MED16: variants seen among roughly 807,000 people sequenced by gnomAD.
MED16 encodes mediator of RNA polymerase II transcription subunit 16.
A neutral mutation model predicts 84.4 loss-of-function variants in MED16; 81 were observed. The observed-to-expected ratio is 0.96, with a 90% CI of 0.80 to 1.15. The LOEUF (loss-of-function observed/expected upper bound fraction) is 1.15. Among genes scored for constraint, MED16 ranks in the 50% most tolerant of loss-of-function variants. The pLI, the probability that MED16 is intolerant of heterozygous loss-of-function variation, is 0.00. For synonymous variants in MED16, 897 were observed against 552.2 expected, an observed-to-expected ratio of 1.62 and a Z score of -8.76; for missense variants, 1,585 against 1,245.9, an observed-to-expected ratio of 1.27 and a Z score of -4.10.
intron 10 of MED16, 130 bp from the exon 11 acceptor site, chr19:873,712 G>A (rs1037587729): frequency 1.4e-5 from 15 of 1,087,024 alleles, no homozygotes; most frequent in Non-Finnish European, 2.0e-5. Context: ...CCCACACCGG[G>A]AACGAGAAGG....
intron 1 of MED16, among the ~76,000 whole-genome samples, chr19:891,519 A>G (rs894313096): frequency 7.9e-5 from 12 of 152,062 alleles, no homozygotes; most frequent in African/African-American, 2.9e-4. Flanking sequence ...GCAAGTGGAC[A>G]CTAGCTCTCT....
At chr19:881,439 C>A (rs1031693320) in intron 7 of MED16, 120 bp downstream of exon 7, 25 of 1,201,100 alleles carry the variant, frequency 2.1e-5, no homozygotes, top group South Asian at 1.6e-4. Flanking sequence ...AGCCCCATGG[C>A]CTGTGCTCAG....
intron 2 of MED16, 47 bp from the exon 3 acceptor site, chr19:890,291 A>AGACGAT (rs1177579236): frequency 2.2e-6 from 3 of 1,336,064 alleles, no homozygotes; most frequent in Non-Finnish European, 3.1e-6. Context: ...CACAGCCTGC[A>AGACGAT]GACGATGACG....
rs2036080834 is a variant in MED16, at chr19:871,944, TGAGCAGGCGGAA to T, written c.2068_2079del (p.Phe690_Leu693del). 1 of 1,583,720 alleles carries T rather than the reference TGAGCAGGCGGAA, an allele frequency of 6.3e-7. No homozygotes were observed. Among genetic ancestry groups the T allele is most frequent in the Non-Finnish European group, 8.6e-7 (1 of 1,168,438 alleles). ...GCCTCACAGCAGATCCAGAGCTTGG[TGAGCAGGCGGAA>T]GAGCAGGGACATGCTGTCCTGGGTA... On this transcript the variant is annotated inframe_deletion, in exon 12 of 16. Transcript: ENST00000325464.
intron 2 of MED16, 78 bp downstream of exon 2, chr19:890,885 G>A: frequency 5.4e-6 from 8 of 1,490,864 alleles, no homozygotes; most frequent in Non-Finnish European, 7.3e-6. Context: ...GTCCCTTCAA[G>A]GCAGTGGGCC....
rs1322225102 is a variant in MED16, at chr19:876,669, T to TCC, written c.1560+303_1560+304dup. Among the ~76,000 whole-genome samples, 31 of 151,496 alleles carry TCC rather than the reference T, an allele frequency of 2.0e-4. No homozygotes were observed. The East Asian group carries it at 5.8e-3, about 29-fold the overall frequency. ...CACAGGCTACCTGCCCCTCTTGCCC[T>TCC]CCGCCTGCCATAGAGCCCCCAACCT... is the stretch of plus-strand genomic sequence containing the variant. On this transcript the variant is annotated intron_variant, in intron 9 of 15. Transcript: ENST00000325464.
intron 6 of MED16, among the ~76,000 whole-genome samples, chr19:882,544 GT>G (rs955413021): frequency 4.6e-5 from 7 of 152,308 alleles, no homozygotes; most frequent in African/African-American, 1.7e-4. Context: ...AACAAAAACA[GT>G]GGCCCAGAGA....
chr19:875,410 C>T lies in MED16; in HGVS notation c.1605G>A (p.Lys535=). The change falls in exon 10 of 16, where the codon AAG becomes AAA. Residue 535 remains lysine (K), a synonymous_variant. Transcript: ENST00000325464. ...CGCGGGTCACCGTGCAGGGCGACAGCTTGCAGAGCGAGGCCTTCATGGCCA... is the reference window on the plus strand; with the variant it reads ...CGCGGGTCACCGTGCAGGGCGACAGTTTGCAGAGCGAGGCCTTCATGGCCA... The part of the protein sequence containing the change: ...RILAMKASLC[K]LSPCTVTRVC... 6.2e-7 allele frequency: 1 copy of T among 1,606,978 alleles called. No homozygotes were observed.
chr19:888,385 G>A (rs1481516705), intron 4 of MED16, among the ~76,000 whole-genome samples: 1 of 151,672 alleles, frequency 6.6e-6, no homozygotes, highest in Non-Finnish European at 1.5e-5. Context: ...TTAGCCAGGT[G>A]TGGTGGTGGG....
chr19:885,067 CCGG>C, intron 5 of MED16, 59 bp from the exon 6 acceptor site: 3 of 1,377,354 alleles, frequency 2.2e-6, no homozygotes, highest in Non-Finnish European at 2.0e-6. Flanking sequence ...CACGCCACCA[CCGG>C]AGCCTGAGCT....
intron 4 of MED16, among the ~76,000 whole-genome samples, chr19:886,559 G>A (rs1156339735): frequency 5.3e-5 from 8 of 152,238 alleles, no homozygotes; most frequent in Admixed American, 3.9e-4. Flanking sequence ...TGGCTCTGCC[G>A]TGGCGGCACA....
At chr19:869,061 C>G in intron 13 of MED16, 115 bp from the exon 14 acceptor site, 1 of 879,836 alleles carries the variant, frequency 1.1e-6, no homozygotes, top group Non-Finnish European at 1.7e-6. Context: ...CACCATCTGC[C>G]AGGTGGGCCC....
At chr19:869,843 C>G (rs962208024) in intron 13 of MED16, among the ~76,000 whole-genome samples, 1 of 152,230 alleles carries the variant, frequency 6.6e-6, no homozygotes, top group African/African-American at 2.4e-5. Flanking sequence ...CTGAAACAGG[C>G]TGGGGGTCTG....
intron 7 of MED16, among the ~76,000 whole-genome samples, chr19:881,261 C>T: frequency 6.6e-6 from 1 of 152,226 alleles, no homozygotes; most frequent in Non-Finnish European, 1.5e-5. Flanking sequence ...CACATGCCGC[C>T]TACCCAGGAA....
rs926159384 is a variant in MED16 at position 873,628 on chromosome 19, C to G, written c.1772-46G>C. ...GGTCAGCTCGGGCCTCTTGTACACA[C>G]AGGGTGACCTAACTGCACCCCTCGG... On this transcript the variant is annotated intron_variant, in intron 10 of 15. Transcript: ENST00000325464. 8.1e-6 allele frequency: 13 copies of G among 1,604,280 alleles called. No homozygotes were observed. In the African/African-American group the frequency reaches 1.7e-4, roughly 21 times the overall value.
At chr19:892,938 G>GCCCCGCGCCCCGCGCCC (rs869260826) in intron 1 of MED16, 148 bp downstream of exon 1, 2 of 118,390 alleles carry the variant, frequency 1.7e-5, no homozygotes, top group African/African-American at 6.1e-5. Context: ...CGCGCCCCGC[G>GCCCCGCGCCCCGCGCCC]CCCCAGGCCG....
chr19:879,358 T>C (rs1217616279), intron 8 of MED16, among the ~76,000 whole-genome samples: 1 of 139,466 alleles, frequency 7.2e-6, no homozygotes, highest in African/African-American at 2.8e-5. Flanking sequence ...CCCCTGGTTG[T>C]CAATGCCCAC....
chr19:875,293 C>G lies in MED16; in HGVS notation c.1722G>C (p.Lys574Asn), dbSNP rs1404720232. ...TCTCGGTCAGCCGGTCGCCGGGGCT[C>G]TTGTCAGGCGTGTTGAGAAAGTGGG... ...LRPHFLNTPD[K>N]SPGDRLTEIC... The change falls in exon 10 of 16, where the codon AAG (lysine) becomes AAC (asparagine). Residue 574 changes from lysine (K) to asparagine (N), a missense_variant. By Grantham distance (94) the Lys-to-Asn change is moderately conservative. Coordinates refer to ENST00000325464, the MANE Select transcript of MED16 (RefSeq NM_005481.3). The G allele has an allele frequency of 1.6e-5, 25 of 1,534,886 alleles. No homozygotes were observed. The highest frequency in any genetic ancestry group is 2.0e-5 in the Non-Finnish European group (23 of 1,144,034).
Position 875,369 on chromosome 19 carries a change from G to A in MED16, c.1646C>T (p.Thr549Ile), listed in dbSNP as rs1481954000. Reference sequence around the variant, plus strand: ...GCTGATGGCGATGAGGAAGAGCTTGGTGTGGTAGTCGCACACGCGGGTCAC... The same window carrying A: ...GCTGATGGCGATGAGGAAGAGCTTGATGTGGTAGTCGCACACGCGGGTCAC... ...CTVTRVCDYH[T>I]KLFLIAISST... The change falls in exon 10 of 16, where the codon ACC (threonine) becomes ATC (isoleucine). Residue 549 changes from threonine (T) to isoleucine (I), a missense_variant. Coordinates refer to ENST00000325464, the MANE Select transcript of MED16 (RefSeq NM_005481.3). 4.3e-6 allele frequency: 7 copies of A among 1,609,902 alleles called. No homozygotes were observed. Among genetic ancestry groups the A allele is most frequent in the African/African-American group, 4.0e-5 (3 of 74,876 alleles).
Sources: allele counts gnomAD v4.1 joint callset (sites outside exome capture counted in the v4.1 genomes callset), GRCh38; gene constraint gnomAD v4.1.1; transcripts MANE v1.5; gene names NCBI Gene and HGNC (gene_info 2026-07-23, HGNC 2026-07-21).